BMP6: variants seen among roughly 807,000 people sequenced by gnomAD.
The protein encoded by BMP6 is VG-1-R.
A neutral mutation model predicts 54.1 loss-of-function variants in BMP6; 17 were observed. The observed-to-expected ratio is 0.31, with a 90% CI of 0.22 to 0.47. The LOEUF is 0.47. Among genes scored for constraint, BMP6 ranks in the 20% least tolerant of loss-of-function variants. The pLI is 1.00. For missense variants in BMP6, 720 were observed against 690.4 expected (o/e 1.04, Z -0.48); for synonymous variants, 328 against 291.2 (o/e 1.13, Z -1.28).
At chr6:7,825,572 T>A (rs541423021) in intron 1 of BMP6, among the ~76,000 whole-genome samples, 1 of 151,844 alleles carries the variant, frequency 6.6e-6, no homozygotes, top group African/African-American at 2.4e-5. Context: ...AATACAAAAT[T>A]AGCCAGGCAT....
chr6:7,824,675 C>T (rs530376008), intron 1 of BMP6, among the ~76,000 whole-genome samples: 83 of 152,152 alleles, frequency 5.5e-4, no homozygotes, highest in Non-Finnish European at 9.1e-4. Flanking sequence ...TCTGATAATC[C>T]CAAAAGCTTA....
rs1241323145 is a variant in BMP6, at chr6:7,727,570, C to G, written c.615C>G (p.Asp205Glu). The G allele has an allele frequency of 2.5e-6, 4 of 1,584,906 alleles. No homozygotes were observed. The highest frequency in any genetic ancestry group is 3.4e-6 in the Non-Finnish European group (4 of 1,174,284). Residue 205 changes from aspartate to glutamate, a missense_variant, in exon 1 of 7, where the codon GAC (aspartate) becomes GAG (glutamate). Around this residue, in one of 3 missense-constraint regions of BMP6, gnomAD observed 650 missense variants for 556.3 expected, o/e 1.17. Coordinates refer to ENST00000283147, the MANE Select transcript of BMP6 (RefSeq NM_001718.6). ...GGASPLTSAQ[D>E]SAFLNDADMV... Reference sequence around the variant, plus strand: ...CGTCCCCACTGACCAGCGCGCAGGACAGCGCCTTCCTCAACGACGCGGACA... The same window carrying G: ...CGTCCCCACTGACCAGCGCGCAGGAGAGCGCCTTCCTCAACGACGCGGACA...
intron 1 of BMP6, among the ~76,000 whole-genome samples, chr6:7,728,735 C>T (rs971636305): frequency 2.0e-5 from 3 of 152,192 alleles, no homozygotes; most frequent in African/African-American, 7.2e-5. Context: ...GCTTCACGGG[C>T]CTCCTTCCCA....
intron 4 of BMP6, among the ~76,000 whole-genome samples, chr6:7,873,888 G>C (rs1007935915): frequency 6.6e-6 from 1 of 152,102 alleles, no homozygotes; most frequent in African/African-American, 2.4e-5. Context: ...ATGATGCCAA[G>C]ATGGTCTTCA....
At chr6:7,873,767 A>G in intron 4 of BMP6, among the ~76,000 whole-genome samples, 1 of 152,152 alleles carries the variant, frequency 6.6e-6, no homozygotes, top group East Asian at 1.9e-4. Context: ...GCTTGGTGCC[A>G]GGAACTGGGG....
intron 1 of BMP6, among the ~76,000 whole-genome samples, chr6:7,737,612 A>AGT (rs1336501513): frequency 6.6e-6 from 1 of 150,736 alleles, no homozygotes; most frequent in Non-Finnish European, 1.5e-5. Flanking sequence ...TGGATGTTAG[A>AGT]GTCCCTTTCT....
intron 1 of BMP6, among the ~76,000 whole-genome samples, chr6:7,762,586 G>A (rs769835858): frequency 6.6e-6 from 1 of 152,096 alleles, no homozygotes; most frequent in Non-Finnish European, 1.5e-5. Flanking sequence ...GAGTAAAACG[G>A]CACATAAATT....
chr6:7,846,864 T>C (rs184894153), intron 2 of BMP6, among the ~76,000 whole-genome samples: 2 of 152,358 alleles, frequency 1.3e-5, no homozygotes, highest in African/African-American at 4.8e-5. Flanking sequence ...GCCTAATTAT[T>C]TATTTCATTA....
intron 1 of BMP6, among the ~76,000 whole-genome samples, chr6:7,754,346 C>T (rs373612718): frequency 6.6e-6 from 1 of 152,130 alleles, no homozygotes; most frequent in African/African-American, 2.4e-5. Context: ...TGAGCTCAAG[C>T]GATCTGCCCT....
At chr6:7,808,162 T>C (rs372394496) in intron 1 of BMP6, among the ~76,000 whole-genome samples, 35 of 151,714 alleles carry the variant, frequency 2.3e-4, no homozygotes, top group South Asian at 1.7e-3. Context: ...CCTTGTGATC[T>C]GCCCACCTCG....
In BMP6 at chr6:7,862,409, C is replaced by T. The variant is rs778340100; in HGVS notation, c.1115C>T (p.Thr372Ile). ...FFKVSEVHVRTTRSASSRRRQ... is the reference protein window; with the variant it reads ...FFKVSEVHVRITRSASSRRRQ... Reference sequence around the variant, plus strand: ...AAAGTGAGTGAGGTGCACGTGCGCACCACCAGGTCAGCCTCCAGCCGGCGC... The same window carrying T: ...AAAGTGAGTGAGGTGCACGTGCGCATCACCAGGTCAGCCTCCAGCCGGCGC... The change falls in exon 4 of 7, where the codon ACC (threonine) becomes ATC (isoleucine). Residue 372 changes from threonine (T) to isoleucine (I), a missense_variant. Physicochemically the swap from Thr to Ile is moderately conservative, Grantham distance 89. Around this residue, in one of 3 missense-constraint regions of BMP6, gnomAD observed 650 missense variants for 556.3 expected, o/e 1.17. Coordinates refer to ENST00000283147, the MANE Select transcript of BMP6 (RefSeq NM_001718.6). The T allele has an allele frequency of 1.9e-6, 3 of 1,614,096 alleles. No homozygotes were observed. The highest frequency in any genetic ancestry group is 2.7e-5 in the African/African-American group (2 of 74,936).
intron 1 of BMP6, among the ~76,000 whole-genome samples, chr6:7,730,567 A>G (rs1228892442): frequency 2.0e-5 from 3 of 152,222 alleles, no homozygotes; most frequent in African/African-American, 7.2e-5. Flanking sequence ...CCACCTGCCA[A>G]TGAAGCAATT....
intron 1 of BMP6, among the ~76,000 whole-genome samples, chr6:7,758,012 C>T (rs76809758): frequency 0.014 from 2,105 of 152,308 alleles, 30 homozygotes; most frequent in Non-Finnish European, 0.021. Flanking sequence ...TCACAAGTTT[C>T]CTTTGTGATG....
chr6:7,822,894 T>TG (rs1758633081), intron 1 of BMP6, among the ~76,000 whole-genome samples: 7 of 123,890 alleles, frequency 5.7e-5, no homozygotes, highest in African/African-American at 2.6e-4. Flanking sequence ...GGATTGGTGC[T>TG]GGTTGTGTGT....
chr6:7,794,604 GAAAAAA>G (rs58889692), intron 1 of BMP6, among the ~76,000 whole-genome samples: 1 of 119,224 alleles, frequency 8.4e-6, no homozygotes, highest in African/African-American at 3.0e-5. Context: ...TGTCCCAAAA[GAAAAAA>G]AAAAAAAAAA....
chr6:7,815,969 A>G (rs969001351), intron 1 of BMP6, among the ~76,000 whole-genome samples: 9 of 152,200 alleles, frequency 5.9e-5, no homozygotes, highest in African/African-American at 2.2e-4. Context: ...CATTTTACTA[A>G]TCACTGGTGT....
At position 7,862,381 on chromosome 6, in the gene BMP6, T is replaced by C. The variant is rs1368914233; in HGVS notation, c.1087T>C (p.Phe363Leu). 2 of 1,614,192 alleles carry C rather than the reference T, an allele frequency of 1.2e-6. No homozygotes were observed. Among genetic ancestry groups the C allele is most frequent in the Non-Finnish European group, 8.5e-7 (1 of 1,180,030 alleles). ...CAAGCAGCCCTTCATGGTGGCTTTC[T>C]TCAAAGTGAGTGAGGTGCACGTGCG... ...YDKQPFMVAF[F>L]KVSEVHVRTT... Residue 363 changes from phenylalanine (F) to leucine (L), a missense_variant, in exon 4 of 7, where the codon TTC (phenylalanine) becomes CTC (leucine). Coordinates refer to ENST00000283147, the MANE Select transcript of BMP6 (RefSeq NM_001718.6).
At chr6:7,863,950 G>A (rs937617736) in intron 4 of BMP6, among the ~76,000 whole-genome samples, 3 of 151,950 alleles carry the variant, frequency 2.0e-5, no homozygotes, top group African/African-American at 7.3e-5. Context: ...AACCCAGGAG[G>A]TGGAGGTTGC....
intron 1 of BMP6, among the ~76,000 whole-genome samples, chr6:7,758,265 G>A (rs1434128608): frequency 3.9e-5 from 6 of 152,178 alleles, no homozygotes; most frequent in Admixed American, 2.0e-4. Context: ...ATGTGAATTC[G>A]CAGATTGAGT....
Sources: allele counts gnomAD v4.1 joint callset (sites outside exome capture counted in the v4.1 genomes callset), GRCh38; gene constraint gnomAD v4.1.1; regional missense constraint gnomAD v4.1.1; transcripts MANE v1.5; gene names NCBI Gene and HGNC (gene_info 2026-07-23, HGNC 2026-07-21).